NTNG1: variants seen among roughly 807,000 people sequenced by gnomAD.
NTNG1 encodes netrin G1, also known as netrin-G1.
A neutral mutation model predicts 54.0 loss-of-function variants in NTNG1; 16 were observed. The ratio of observed to expected loss-of-function variants is 0.30; its 90% confidence interval spans 0.20 to 0.45. The LOEUF (loss-of-function observed/expected upper bound fraction) is 0.45. NTNG1 is among the 20% of genes least tolerant of loss of function. The pLI is 1.00. For missense variants in NTNG1, 530 were observed against 678.7 expected (o/e 0.78, Z 2.43); for synonymous variants, 255 against 263.1 (o/e 0.97, Z 0.30).
intron 5 of NTNG1, among the ~76,000 whole-genome samples, chr1:107,428,355 G>A (rs544053303): frequency 1.3e-5 from 2 of 151,878 alleles, no homozygotes; most frequent in Admixed American, 1.3e-4. Flanking sequence ...TTTTTTCTCT[G>A]CACATACTAT....
chr1:107,454,813 A>G (rs544946474), intron 7 of NTNG1, among the ~76,000 whole-genome samples: 65 of 152,314 alleles, frequency 4.3e-4, no homozygotes, highest in South Asian at 4.1e-4. Flanking sequence ...AGAAGATACC[A>G]TTTTTTGCTT....
rs72987583 is a variant in NTNG1 at position 107,451,209 on chromosome 1, G to A, written c.1390+14410G>A. On this transcript the variant is annotated intron_variant, in intron 7 of 7. Transcript: ENST00000370068. The stretch of plus-strand genomic sequence containing the variant: ...TGTGCTATTTTTCAGCAAAGTTAAG[G>A]TTTCTCTTTTTATGCTAGAAAGACT... Among the ~76,000 whole-genome samples the A allele has an allele frequency of 4.2e-3, 630 of 150,858 alleles. 1 individual carries two copies. Among genetic ancestry groups the A allele is most frequent in the African/African-American group, 0.015 (601 of 41,092 alleles).
intron 2 of NTNG1, among the ~76,000 whole-genome samples, chr1:107,264,866 C>T (rs1486134467): frequency 6.6e-6 from 1 of 152,148 alleles, no homozygotes; most frequent in African/African-American, 2.4e-5. Context: ...TCACACATAG[C>T]TTGTTTCCCC....
intron 2 of NTNG1, among the ~76,000 whole-genome samples, chr1:107,202,668 T>G (rs1027893110): frequency 2.0e-5 from 3 of 152,000 alleles, no homozygotes; most frequent in African/African-American, 4.8e-5. Context: ...ATTTTTAAAT[T>G]TACTTACAGT....
intron 3 of NTNG1, among the ~76,000 whole-genome samples, chr1:107,383,219 T>C (rs1476275225): frequency 6.6e-6 from 1 of 152,220 alleles, no homozygotes; most frequent in African/African-American, 2.4e-5. Context: ...CCTGATAATC[T>C]AGCCTGATAG....
chr1:107,227,606 C>G lies in NTNG1; in HGVS notation c.246+78767C>G, dbSNP rs149062772. The stretch of plus-strand genomic sequence containing the variant: ...GATATGTCTGATGTTTGAATCCTAG[C>G]TGAATTTCCTTTTGGCTCAAGCTGG... On this transcript the variant is annotated intron_variant, in intron 2 of 7. Transcript: ENST00000370068. Among the ~76,000 whole-genome samples, 1,004 of 152,074 alleles carry G rather than the reference C, an allele frequency of 6.6e-3. 11 individuals carry two copies. Among genetic ancestry groups the G allele is most frequent in the Admixed American group, 0.011 (163 of 15,236 alleles).
intron 2 of NTNG1, among the ~76,000 whole-genome samples, chr1:107,306,437 A>G (rs1230185368): frequency 6.6e-6 from 1 of 151,758 alleles, no homozygotes; most frequent in African/African-American, 2.4e-5. Flanking sequence ...CACAGGGCTG[A>G]ACTGTTAACA....
At chr1:107,442,553 G>C (rs1482766512) in intron 7 of NTNG1, among the ~76,000 whole-genome samples, 5 of 152,112 alleles carry the variant, frequency 3.3e-5, no homozygotes, top group Non-Finnish European at 7.4e-5. Flanking sequence ...GATGGTATAA[G>C]GCTGTGCTGA....
intron 2 of NTNG1, among the ~76,000 whole-genome samples, chr1:107,312,160 A>G (rs1246151439): frequency 6.6e-6 from 1 of 152,170 alleles, no homozygotes. Flanking sequence ...TTCAGAAGAA[A>G]TATATTTTTA....
At chr1:107,239,723 C>A (rs956710371) in intron 2 of NTNG1, among the ~76,000 whole-genome samples, 1 of 152,022 alleles carries the variant, frequency 6.6e-6, no homozygotes, top group African/African-American at 2.4e-5. Context: ...GACTTCTGGT[C>A]AGGTTGGCTT....
intron 2 of NTNG1, among the ~76,000 whole-genome samples, chr1:107,154,812 A>T (rs1330469107): frequency 6.6e-6 from 1 of 151,752 alleles, no homozygotes. Context: ...ATGCATATAT[A>T]GTTATTAATT....
chr1:107,371,671 C>T (rs557543778), intron 3 of NTNG1, among the ~76,000 whole-genome samples: 12 of 151,770 alleles, frequency 7.9e-5, no homozygotes, highest in South Asian at 2.1e-4. Context: ...GTGAATTCTA[C>T]GAAACATTTA....
At chr1:107,279,129 A>C (rs748447690) in intron 2 of NTNG1, among the ~76,000 whole-genome samples, 1 of 152,206 alleles carries the variant, frequency 6.6e-6, no homozygotes, top group Non-Finnish European at 1.5e-5. Context: ...TTGACCCTTC[A>C]GTCACTCAGA....
intron 2 of NTNG1, among the ~76,000 whole-genome samples, chr1:107,256,132 G>C (rs1662916001): frequency 6.6e-6 from 1 of 152,114 alleles, no homozygotes; most frequent in Non-Finnish European, 1.5e-5. Context: ...TTATTTGATG[G>C]CTAAATGTGG....
chr1:107,430,966 G>T, intron 6 of NTNG1, 49 bp downstream of exon 6: 1 of 1,580,620 alleles, frequency 6.3e-7, no homozygotes, highest in East Asian at 2.3e-5. Context: ...TTTGAGCTAC[G>T]GGGAGATATT....
chr1:107,415,104 A>G (rs1027250559), intron 5 of NTNG1, among the ~76,000 whole-genome samples: 7 of 152,250 alleles, frequency 4.6e-5, no homozygotes, highest in African/African-American at 1.7e-4. Flanking sequence ...CTGATCAGGG[A>G]GATCCTCAAG....
intron 2 of NTNG1, among the ~76,000 whole-genome samples, chr1:107,234,769 A>T (rs1426525894): frequency 6.6e-6 from 1 of 152,194 alleles, no homozygotes; most frequent in African/African-American, 2.4e-5. Context: ...ATCTTTTATT[A>T]GATAAAAGCC....
intron 2 of NTNG1, among the ~76,000 whole-genome samples, chr1:107,188,888 T>C (rs760838395): frequency 1.7e-4 from 26 of 152,088 alleles, no homozygotes; most frequent in Admixed American, 5.2e-4. Context: ...TAAGGCAGCA[T>C]TTATTTAAAT....
At position 107,483,456 on chromosome 1, in the gene NTNG1, G is replaced by A. The variant is rs148766221; in HGVS notation, c.*2616G>A. The stretch of plus-strand genomic sequence containing the variant: ...TGCTTTTAATAAAAATTCACTTTTA[G>A]GTGTACAACAAATGGAAATGAAATG... On this transcript the variant is annotated 3_prime_UTR_variant, in exon 8 of 8. Transcript: ENST00000370068. The A allele has an allele frequency of 1.7e-3, 257 of 152,268 alleles. 3 individuals carry two copies. The highest frequency in any genetic ancestry group is 5.8e-3 in the African/African-American group (242 of 41,542). The allele number at this position is 152,268 out of a possible 1,614,324, so 9.4% of individuals were successfully genotyped here.
Sources: allele counts gnomAD v4.1 joint callset (sites outside exome capture counted in the v4.1 genomes callset), GRCh38; gene constraint gnomAD v4.1.1; transcripts MANE v1.5; gene names NCBI Gene and HGNC (gene_info 2026-07-23, HGNC 2026-07-21).